CLYBL: variants seen among roughly 807,000 people sequenced by gnomAD.
CLYBL encodes the protein citramalyl-CoA lyase, mitochondrial.
A neutral mutation model predicts 38.9 loss-of-function variants in CLYBL; 31 were observed. The observed-to-expected ratio is 0.80, with a 90% CI of 0.60 to 1.08. CLYBL has a LOEUF of 1.08. Ranked by LOEUF, CLYBL falls within the 50% of genes least tolerant of loss-of-function variation. CLYBL has a pLI of 0.00. For missense variants in CLYBL, 434 were observed against 411.6 expected (o/e 1.05, Z -0.47); for synonymous variants, 171 against 158.6 (o/e 1.08, Z -0.59).
intron 2 of CLYBL, among the ~76,000 whole-genome samples, chr13:99,776,188 T>TAAC (rs2049512196): frequency 7.2e-6 from 1 of 138,878 alleles, no homozygotes; most frequent in Non-Finnish European, 1.5e-5. Context: ...AAAAAACAAA[T>TAAC]AATAATAATA....
At chr13:99,817,824 GAAA>G (rs1331085342) in intron 2 of CLYBL, among the ~76,000 whole-genome samples, 1 of 151,870 alleles carries the variant, frequency 6.6e-6, no homozygotes, top group African/African-American at 2.4e-5. Flanking sequence ...GCAACATGGT[GAAA>G]CCCCATATCT....
intron 2 of CLYBL, among the ~76,000 whole-genome samples, chr13:99,845,722 G>A (rs1279233014): frequency 2.6e-5 from 4 of 152,184 alleles, no homozygotes; most frequent in African/African-American, 9.7e-5. Flanking sequence ...AGGCTGCGAA[G>A]AGAAGCCACC....
intron 2 of CLYBL, among the ~76,000 whole-genome samples, chr13:99,788,186 T>G (rs530446447): frequency 9.4e-4 from 143 of 152,328 alleles, no homozygotes; most frequent in Non-Finnish European, 1.7e-3. Context: ...TTGAGTACCC[T>G]TTATTTCTTT....
intron 7 of CLYBL, among the ~76,000 whole-genome samples, chr13:99,873,414 T>A: frequency 6.6e-6 from 1 of 152,220 alleles, no homozygotes; most frequent in East Asian, 1.9e-4. Context: ...GATGAACACG[T>A]GAACCCTCAG....
chr13:99,685,952 A>G (rs1176618032), intron 1 of CLYBL, among the ~76,000 whole-genome samples: 5 of 151,906 alleles, frequency 3.3e-5, no homozygotes, highest in Non-Finnish European at 7.4e-5. Flanking sequence ...ACAGAACAAG[A>G]CCCTGTTTCA....
chr13:99,718,994 C>T (rs2048357230), intron 1 of CLYBL, among the ~76,000 whole-genome samples: 1 of 152,102 alleles, frequency 6.6e-6, no homozygotes, highest in African/African-American at 2.4e-5. Context: ...AGGCATGCAC[C>T]ACCACGCCTG....
rs2139176790 is a variant in CLYBL at position 99,853,857 on chromosome 13, C to G, written c.250-5004C>G. On this transcript the variant is annotated intron_variant, in intron 2 of 8. Coordinates refer to ENST00000339105, the MANE Select transcript of CLYBL (RefSeq NM_206808.5). ...GTTCCGTTTTTTATTTTAAACCAAACTTGATCTTGACATTTTCAATAAGAT... is the reference window on the plus strand; with the variant it reads ...GTTCCGTTTTTTATTTTAAACCAAAGTTGATCTTGACATTTTCAATAAGAT... Among the ~76,000 whole-genome samples the G allele has an allele frequency of 1.3e-5, 2 of 152,300 alleles. 1 individual carries two copies. The highest frequency in any genetic ancestry group is 6.8e-3 in the Middle Eastern group (2 of 294).
At chr13:99,607,180 A>T (rs1029921478) in intron 1 of CLYBL, among the ~76,000 whole-genome samples, 9 of 146,726 alleles carry the variant, frequency 6.1e-5, no homozygotes, top group African/African-American at 2.3e-4. Context: ...GGACCCCCCA[A>T]AGCTTTTGCT....
At chr13:99,788,418 G>A (rs2049844367) in intron 2 of CLYBL, among the ~76,000 whole-genome samples, 1 of 152,180 alleles carries the variant, frequency 6.6e-6, no homozygotes, top group Non-Finnish European at 1.5e-5. Context: ...AAGGGCTGTT[G>A]AATTTTGTCA....
chr13:99,813,308 C>T (rs1290365231), intron 2 of CLYBL, among the ~76,000 whole-genome samples: 2 of 152,188 alleles, frequency 1.3e-5, no homozygotes, highest in African/African-American at 4.8e-5. Context: ...TTAATAAGCC[C>T]TTTCTGGCTT....
chr13:99,683,761 G>T (rs922586026), intron 1 of CLYBL, among the ~76,000 whole-genome samples: 3 of 150,086 alleles, frequency 2.0e-5, no homozygotes, highest in Non-Finnish European at 4.4e-5. Context: ...TAATAAGGAG[G>T]CGTATAGTCT....
chr13:99,691,281 A>G (rs2047897828), intron 1 of CLYBL, among the ~76,000 whole-genome samples: 1 of 152,206 alleles, frequency 6.6e-6, no homozygotes, highest in South Asian at 2.1e-4. Flanking sequence ...TTTCTTAATC[A>G]ATATCTAAGT....
intron 7 of CLYBL, among the ~76,000 whole-genome samples, chr13:99,876,420 CAAAAAA>C (rs35512772): frequency 3.6e-4 from 25 of 70,102 alleles, no homozygotes; most frequent in South Asian, 3.5e-3. Context: ...GACTCCGTCT[CAAAAAA>C]AAAAAAAAAA....
At chr13:99,845,470 GTGAAGGAA>G (rs1484810435) in intron 2 of CLYBL, among the ~76,000 whole-genome samples, 1 of 152,264 alleles carries the variant, frequency 6.6e-6, no homozygotes, top group Non-Finnish European at 1.5e-5. Context: ...CCTGGCACCA[GTGAAGGAA>G]TGAAGCTGCG....
At chr13:99,734,600 C>G (rs2793746) in intron 1 of CLYBL, among the ~76,000 whole-genome samples, 8,636 of 152,152 alleles carry the variant, frequency 0.057, 287 homozygotes, top group East Asian at 0.11. Context: ...ATTTGATAGT[C>G]GAGGCCTTCA....
chr13:99,749,740 T>C (rs930994608), intron 1 of CLYBL, among the ~76,000 whole-genome samples: 1 of 152,222 alleles, frequency 6.6e-6, no homozygotes, highest in Non-Finnish European at 1.5e-5. Context: ...CACCACATGC[T>C]AATCTCACGA....
intron 1 of CLYBL, among the ~76,000 whole-genome samples, chr13:99,724,470 T>C (rs1402219724): frequency 6.6e-6 from 1 of 150,810 alleles, no homozygotes; most frequent in Non-Finnish European, 1.5e-5. Context: ...GCCGGCACCC[T>C]CCCTTGATAA....
chr13:99,709,025 G>T (rs1005567335), intron 1 of CLYBL, among the ~76,000 whole-genome samples: 8 of 152,042 alleles, frequency 5.3e-5, no homozygotes, highest in Admixed American at 3.3e-4. Context: ...CCAGGGGGGC[G>T]GAGGTTCCAG....
chr13:99,687,609 G>C (rs898236020), intron 1 of CLYBL, among the ~76,000 whole-genome samples: 2 of 152,144 alleles, frequency 1.3e-5, no homozygotes, highest in African/African-American at 4.8e-5. Context: ...ACCATTAAAG[G>C]GTTTTTAATA....
Sources: allele counts gnomAD v4.1 joint callset (sites outside exome capture counted in the v4.1 genomes callset), GRCh38; gene constraint gnomAD v4.1.1; transcripts MANE v1.5; gene names NCBI Gene and HGNC (gene_info 2026-07-23, HGNC 2026-07-21).